DIO2: variants seen among roughly 807,000 people sequenced by gnomAD.
DIO2 encodes the protein type II iodothyronine deiodinase.
DIO2 carries 19 observed loss-of-function variants against 21.4 expected under a neutral mutation model. That is an observed-to-expected ratio of 0.89 (90% CI 0.62 to 1.30). The LOEUF (loss-of-function observed/expected upper bound fraction) is 1.30, where lower values mean the gene tolerates loss of function less well. Among genes scored for constraint, DIO2 ranks in the 50% most tolerant of loss-of-function variants. The probability of loss-of-function intolerance (pLI) is 0.00; values close to 1 mark genes in which losing one functional copy is unlikely to be tolerated. For missense variants in DIO2, 302 were observed against 338.1 expected (o/e 0.89, Z 0.84); for synonymous variants, 122 against 132.9 (o/e 0.92, Z 0.57).
rs1887689639 is a variant in DIO2 at position 80,200,900 on chromosome 14, A to T, written c.*1789T>A. 6.6e-6 allele frequency: 1 copy of T among 152,132 alleles called. No homozygotes were observed. The highest frequency in any genetic ancestry group is 2.1e-4 in the South Asian group (1 of 4,826). The allele number at this position is 152,132 out of a possible 1,614,324, so 9.4% of individuals were successfully genotyped here. A position where few individuals can be genotyped will look rare whatever the true frequency, so the allele number is the denominator to read the frequency against. On this transcript the variant is annotated 3_prime_UTR_variant, in exon 2 of 2. Transcript: ENST00000438257. ...TTTTCTCAATTCAGACAACTAGTTT[A>T]AGAATGTATTTTCAACTTTAGTTTT...
At chr14:80,224,170 T>A (rs1888522204) in intron 2 of DIO2, among the ~76,000 whole-genome samples, 1 of 152,178 alleles carries the variant, frequency 6.6e-6, no homozygotes. Context: ...ATTTTGTAAA[T>A]GAGAAAACCA....
chr14:80,214,300 T>C (rs979418974), upstream of DIO2, among the ~76,000 whole-genome samples: 2 of 152,340 alleles, frequency 1.3e-5, no homozygotes, highest in African/African-American at 4.8e-5. Context: ...CAATTCTCTC[T>C]CACTTGCTTT....
intron 2 of DIO2, among the ~76,000 whole-genome samples, chr14:80,221,412 A>C (rs922585834): frequency 6.6e-6 from 1 of 152,200 alleles, no homozygotes; most frequent in Non-Finnish European, 1.5e-5. Context: ...AGGTGTTTTT[A>C]AAAAGGTAGA....
At chr14:80,218,456 G>A (rs868330097) in intron 2 of DIO2, among the ~76,000 whole-genome samples, 2 of 152,070 alleles carry the variant, frequency 1.3e-5, no homozygotes, top group Admixed American at 1.3e-4. Context: ...CGGAGCCCTC[G>A]AGAGAGGTAT....
At chr14:80,211,694 T>G, upstream of DIO2, 1 of 386,576 alleles carries the variant, frequency 2.6e-6, no homozygotes, top group Non-Finnish European at 4.7e-6. Context: ...GCCCAGCAGT[T>G]GGAGTGTGCC....
At chr14:80,215,991 G>A (rs1888343270), upstream of DIO2, 1 of 152,282 alleles carries the variant, frequency 6.6e-6, no homozygotes, top group Non-Finnish European at 1.5e-5. Flanking sequence ...AGCAACTTGG[G>A]GGCGGGAGGG....
intron 2 of DIO2, among the ~76,000 whole-genome samples, chr14:80,217,714 T>C (rs1373940398): frequency 6.6e-6 from 1 of 152,244 alleles, no homozygotes; most frequent in African/African-American, 2.4e-5. Flanking sequence ...TCTGTCATGT[T>C]TTAAAGATTC....
chr14:80,211,235 T>TCTCAG lies in DIO2; in HGVS notation c.222+11_222+15dup. On this transcript the variant is annotated intron_variant, in intron 1 of 1. Coordinates refer to ENST00000438257, the MANE Select transcript of DIO2 (RefSeq NM_013989.5). ...CCCTGTAGACCTAGGGAGAAGCCCT[T>TCTCAG]CTCAGCTCAGCTCACCTGTTTGTAG... 6.2e-7 allele frequency: 1 copy of TCTCAG among 1,603,342 alleles called. No individual in the cohort carries two copies. The highest frequency in any genetic ancestry group is 8.5e-7 in the Non-Finnish European group (1 of 1,177,218).
chr14:80,218,758 G>A (rs576561284), intron 2 of DIO2, among the ~76,000 whole-genome samples: 10 of 152,142 alleles, frequency 6.6e-5, no homozygotes, highest in East Asian at 1.9e-4. Context: ...TGGGTGGATC[G>A]CTTGAGGCCA....
In DIO2 at chr14:80,217,066, T is replaced by C. The variant is rs959514676; in HGVS notation, c.-277-329A>G. On this transcript the variant is annotated intron_variant, in intron 2 of 4. Transcript: ENST00000553594. ...TGAGAGCAAAGGATGCCACACCTCC[T>C]CCCTCAAGAATCAGTACACTAAGTA... Among the ~76,000 whole-genome samples the C allele has an allele frequency of 3.3e-5, 5 of 152,128 alleles. No individual in the cohort carries two copies. The East Asian group carries it at 9.6e-4, about 29-fold the overall frequency.
At chr14:80,204,414 T>C (rs1418060852) in intron 1 of DIO2, among the ~76,000 whole-genome samples, 2 of 152,194 alleles carry the variant, frequency 1.3e-5, no homozygotes, top group African/African-American at 4.8e-5. Flanking sequence ...AATTGTTTCA[T>C]GTGCTCCCTT....
intron 2 of DIO2, among the ~76,000 whole-genome samples, chr14:80,226,502 C>T (rs879412827): frequency 1.3e-5 from 2 of 152,192 alleles, no homozygotes; most frequent in African/African-American, 4.8e-5. Flanking sequence ...TGAGGACAAA[C>T]CTGTGCCCTT....
At position 80,202,637 on chromosome 14, in the gene DIO2, C is replaced by T. The variant is rs1566659766; in HGVS notation, c.*52G>A. 1 of 1,503,782 alleles carries T rather than the reference C, an allele frequency of 6.6e-7. No homozygotes were observed. The highest frequency in any genetic ancestry group is 8.9e-7 in the Non-Finnish European group (1 of 1,125,188). 93.2% of individuals were successfully genotyped at this position (1,503,782 alleles called of 1,614,324 possible). Reference sequence around the variant, plus strand: ...GAAATATGGATTCAGTTCTTAATTTCCTTGCCTTTATATAACTTTTTAAAA... The same window carrying T: ...GAAATATGGATTCAGTTCTTAATTTTCTTGCCTTTATATAACTTTTTAAAA... On this transcript the variant is annotated 3_prime_UTR_variant, in exon 2 of 2. Transcript: ENST00000438257.
chr14:80,220,584 A>G (rs2140017943), intron 2 of DIO2, among the ~76,000 whole-genome samples: 1 of 152,352 alleles, frequency 6.6e-6, no homozygotes, highest in Middle Eastern at 3.4e-3. Flanking sequence ...AGATAATATT[A>G]GAGCCTTTGG....
At chr14:80,228,351 T>C (rs1888617588) in intron 2 of DIO2, among the ~76,000 whole-genome samples, 1 of 152,156 alleles carries the variant, frequency 6.6e-6, no homozygotes, top group Non-Finnish European at 1.5e-5. Flanking sequence ...GTTAATTTGG[T>C]CAAGCAATGA....
At chr14:80,204,558 C>A (rs1379962905) in intron 1 of DIO2, among the ~76,000 whole-genome samples, 1 of 152,112 alleles carries the variant, frequency 6.6e-6, no homozygotes, top group Non-Finnish European at 1.5e-5. Context: ...TTGGATCTTC[C>A]TTAGAATGGT....
At chr14:80,229,076 C>G (rs1470103711) in intron 2 of DIO2, among the ~76,000 whole-genome samples, 1 of 152,130 alleles carries the variant, frequency 6.6e-6, no homozygotes, top group East Asian at 1.9e-4. Flanking sequence ...GGTCTGTAAA[C>G]TGGCTCAAGT....
Position 80,202,777 on chromosome 14 carries a change from C to T in DIO2, c.734G>A (p.Gly245Asp). ...RQKIAYLGGK[G>D]PFSYNLQEVR... ...TTCTTGAAGGTTGTAGGAGAAGGGG[C>T]CCTTTCCTCCCAGATAAGCAATTTT... The change falls in exon 2 of 2, where the codon GGC (glycine) becomes GAC (aspartate). Residue 245 changes from glycine to aspartate, a missense_variant. Physicochemically the swap from Gly to Asp is moderately conservative, Grantham distance 94 (BLOSUM62 -1). Coordinates refer to ENST00000438257, the MANE Select transcript of DIO2 (RefSeq NM_013989.5). 3 of 1,613,942 alleles carry T rather than the reference C, an allele frequency of 1.9e-6. No homozygotes were observed. Among genetic ancestry groups the T allele is most frequent in the Non-Finnish European group, 2.5e-6 (3 of 1,179,874 alleles).
At position 80,201,171 on chromosome 14, in the gene DIO2, A is replaced by T. The variant is rs903725418; in HGVS notation, c.*1518T>A. On this transcript the variant is annotated 3_prime_UTR_variant, in exon 2 of 2. Transcript: ENST00000438257. Reference sequence around the variant, plus strand: ...AAAATATTTTATATATATATTTTTTAAAATAGCATTATAATCATATACTAT... The same window carrying T: ...AAAATATTTTATATATATATTTTTTTAAATAGCATTATAATCATATACTAT... The T allele has an allele frequency of 2.0e-5, 3 of 151,454 alleles. No homozygotes were observed. Among genetic ancestry groups the T allele is most frequent in the Admixed American group, 6.6e-5 (1 of 15,204 alleles). The allele number at this position is 151,454 out of a possible 1,614,324, so 9.4% of individuals were successfully genotyped here. A position where few individuals can be genotyped will look rare whatever the true frequency, so the allele number is the denominator to read the frequency against.
Sources: allele counts gnomAD v4.1 joint callset (sites outside exome capture counted in the v4.1 genomes callset), GRCh38; gene constraint gnomAD v4.1.1; transcripts MANE v1.5; gene names NCBI Gene and HGNC (gene_info 2026-07-23, HGNC 2026-07-21).